The following ASAP1 variants were observed in gnomAD, a reference collection of about 807,000 sequenced individuals.
ASAP1 encodes arf-GAP with SH3 domain, ANK repeat and PH domain-containing protein 1.
A neutral mutation model predicts 145.2 loss-of-function variants in ASAP1; 43 were observed. That is an observed-to-expected ratio of 0.30 (90% CI 0.23 to 0.38). The LOEUF (loss-of-function observed/expected upper bound fraction) is 0.38. Among genes scored for constraint, ASAP1 ranks in the 10% least tolerant of loss-of-function variants. ASAP1 has a pLI of 1.00. For missense variants in ASAP1, 1,018 were observed against 1,355.3 expected (o/e 0.75, Z 3.91); for synonymous variants, 546 against 515.5 (o/e 1.06, Z -0.80).
intron 3 of ASAP1, among the ~76,000 whole-genome samples, chr8:130,320,176 C>G (rs1283722152): frequency 6.6e-6 from 1 of 151,980 alleles, no homozygotes; most frequent in Non-Finnish European, 1.5e-5. Context: ...AATGCAAAAC[C>G]AAATTTATCA....
intron 27 of ASAP1, among the ~76,000 whole-genome samples, chr8:130,074,815 C>T (rs72722316): frequency 0.053 from 8,129 of 152,178 alleles, 285 homozygotes; most frequent in Middle Eastern, 0.078. Context: ...TGCTGGGCAG[C>T]CCCAGATGAC....
At chr8:130,426,093 T>C (rs976152639) in intron 1 of ASAP1, among the ~76,000 whole-genome samples, 4 of 152,158 alleles carry the variant, frequency 2.6e-5, no homozygotes, top group Non-Finnish European at 2.9e-5. Flanking sequence ...TGGGAGGTGA[T>C]TGAATCATGA....
intron 1 of ASAP1, among the ~76,000 whole-genome samples, chr8:130,418,198 G>GT (rs202165530): frequency 0.034 from 5,175 of 152,258 alleles, 126 homozygotes; most frequent in Middle Eastern, 0.068. Flanking sequence ...TTTCTTTAAT[G>GT]TTTTTTTCCA....
chr8:130,250,716 A>T (rs1026266947), intron 3 of ASAP1, among the ~76,000 whole-genome samples: 18 of 152,132 alleles, frequency 1.2e-4, no homozygotes, highest in Admixed American at 7.2e-4. Context: ...AAAGATGATT[A>T]CTAAAACTGA....
At chr8:130,265,819 G>A (rs1224197869) in intron 3 of ASAP1, among the ~76,000 whole-genome samples, 1 of 152,144 alleles carries the variant, frequency 6.6e-6, no homozygotes, top group Non-Finnish European at 1.5e-5. Context: ...CGAGGCTGAA[G>A]AGCCAAGACT....
chr8:130,379,185 A>T (rs1297774402), intron 2 of ASAP1, among the ~76,000 whole-genome samples: 12 of 152,178 alleles, frequency 7.9e-5, no homozygotes, highest in Admixed American at 7.9e-4. Context: ...GGGTGAGCAC[A>T]GCCATGTTCC....
chr8:130,187,780 C>A (rs1814839614), intron 6 of ASAP1, among the ~76,000 whole-genome samples: 1 of 152,110 alleles, frequency 6.6e-6, no homozygotes, highest in Admixed American at 6.5e-5. Flanking sequence ...GGGTAAGCGC[C>A]CTGGTCATGC....
chr8:130,332,474 CAAAT>C (rs1824758002), intron 3 of ASAP1, among the ~76,000 whole-genome samples: 1 of 152,134 alleles, frequency 6.6e-6, no homozygotes, highest in African/African-American at 2.4e-5. Flanking sequence ...TGTACACTGT[CAAAT>C]AAAAAATAAT....
At chr8:130,060,511 C>A in intron 28 of ASAP1, 68 bp downstream of exon 28, 2 of 1,521,900 alleles carry the variant, frequency 1.3e-6, no homozygotes, top group Non-Finnish European at 1.8e-6. Flanking sequence ...AGTTGGAGCA[C>A]CTGCCCTCCC....
In ASAP1 at chr8:130,293,216, C is replaced by G. The variant is rs188472817; in HGVS notation, c.187-56222G>C. 7.2e-5 allele frequency among the ~76,000 whole-genome samples: 11 copies of G among 152,274 alleles called. No homozygotes were observed. The East Asian group carries it at 2.1e-3, about 29-fold the overall frequency. On this transcript the variant is annotated intron_variant, in intron 3 of 29. Coordinates refer to ENST00000518721, the MANE Select transcript of ASAP1 (RefSeq NM_018482.4). ...ACAGATTCTGATTCAGCAGGTCTGA[C>G]GAGGAGGCTCAGATTCAGCATTCTG...
At chr8:130,256,171 G>A (rs553354682) in intron 3 of ASAP1, among the ~76,000 whole-genome samples, 14 of 152,256 alleles carry the variant, frequency 9.2e-5, no homozygotes, top group Admixed American at 1.3e-4. Flanking sequence ...TATTGTTTCC[G>A]TAAACATAAA....
chr8:130,265,152 C>G (rs1347940153), intron 3 of ASAP1, among the ~76,000 whole-genome samples: 1 of 152,080 alleles, frequency 6.6e-6, no homozygotes, highest in Non-Finnish European at 1.5e-5. Context: ...CCTTCAGTTC[C>G]CCAGAGCACC....
chr8:130,229,624 T>C (rs1817788747), intron 4 of ASAP1, among the ~76,000 whole-genome samples: 1 of 152,126 alleles, frequency 6.6e-6, no homozygotes, highest in East Asian at 1.9e-4. Flanking sequence ...TGGCACAGAG[T>C]AGGTATTCAA....
chr8:130,269,791 T>C lies in ASAP1; in HGVS notation c.187-32797A>G, dbSNP rs561357449. On this transcript the variant is annotated intron_variant, in intron 3 of 29. Coordinates refer to ENST00000518721, the MANE Select transcript of ASAP1 (RefSeq NM_018482.4). ...AATTACTTTTAATTTTTGTCTTATC[T>C]GGTCTCTGGTACCTGCATTAGATAA... is the stretch of plus-strand genomic sequence containing the variant. Among the ~76,000 whole-genome samples, 5 of 152,340 alleles carry C rather than the reference T, an allele frequency of 3.3e-5. No individual in the cohort carries two copies. In the South Asian group the frequency reaches 1.0e-3, roughly 32 times the overall value.
At chr8:130,230,727 A>G (rs994293199) in intron 4 of ASAP1, among the ~76,000 whole-genome samples, 1 of 152,210 alleles carries the variant, frequency 6.6e-6, no homozygotes, top group Non-Finnish European at 1.5e-5. Flanking sequence ...ACTGTAATTC[A>G]AAAAGATTTT....
At chr8:130,360,920 G>A (rs79588759) in intron 2 of ASAP1, 4,272 of 152,376 alleles carry the variant, frequency 0.028, 72 homozygotes, top group Middle Eastern at 0.048. Context: ...AAAATTCTGT[G>A]ACTTGGAACA....
At chr8:130,291,760 A>G (rs989820324) in intron 3 of ASAP1, among the ~76,000 whole-genome samples, 1 of 152,192 alleles carries the variant, frequency 6.6e-6, no homozygotes, top group Non-Finnish European at 1.5e-5. Flanking sequence ...TTATATTTCC[A>G]GGCATGAATT....
chr8:130,053,961 G>C lies in ASAP1; in HGVS notation c.*770C>G, dbSNP rs2097398218. On this transcript the variant is annotated 3_prime_UTR_variant, in exon 30 of 30. Transcript: ENST00000518721. ...CGTAATGTAGAGGCTAATATTTTCT[G>C]GCAGTCCTTGGTTCCTGAAATTTGA... The C allele has an allele frequency of 6.6e-6, 1 of 152,592 alleles. No individual in the cohort carries two copies. Among genetic ancestry groups the C allele is most frequent in the African/African-American group, 2.4e-5 (1 of 41,444 alleles). The allele number at this position is 152,592 out of a possible 1,614,324, so 9.5% of individuals were successfully genotyped here.
intron 3 of ASAP1, among the ~76,000 whole-genome samples, chr8:130,272,252 C>T (rs928243267): frequency 6.6e-6 from 1 of 152,080 alleles, no homozygotes; most frequent in African/African-American, 2.4e-5. Flanking sequence ...CATCACTAAC[C>T]TTCAGGAAAA....
Sources: allele counts gnomAD v4.1 joint callset (sites outside exome capture counted in the v4.1 genomes callset), GRCh38; gene constraint gnomAD v4.1.1; transcripts MANE v1.5; gene names NCBI Gene and HGNC (gene_info 2026-07-23, HGNC 2026-07-21).